The following RARS2 variants were observed in gnomAD, a reference collection of about 807,000 sequenced individuals.
The protein encoded by RARS2 is probable arginine--tRNA ligase, mitochondrial.
RARS2 carries 67 observed loss-of-function variants against 88.5 expected under a neutral mutation model. The ratio of observed to expected loss-of-function variants is 0.76; its 90% confidence interval spans 0.62 to 0.93. The LOEUF is 0.93. Among genes scored for constraint, RARS2 ranks in the 40% least tolerant of loss-of-function variants. RARS2 has a pLI of 0.00. For missense variants in RARS2, 664 were observed against 684.2 expected, an observed-to-expected ratio of 0.97 and a Z score of 0.33; for synonymous variants, 239 against 230.3, an observed-to-expected ratio of 1.04 and a Z score of -0.34.
chr6:87,524,653 C>G lies in RARS2; in HGVS notation c.879-1G>C, dbSNP rs1428801547. 3 of 1,604,842 alleles carry G rather than the reference C, an allele frequency of 1.9e-6. No individual in the cohort carries two copies. The highest frequency in any genetic ancestry group is 2.7e-5 in the African/African-American group (2 of 74,680). ...GAGATCTACTACAGCCGTTCCTTTT[C>G]TAGAAATTCGAAAAGGTAACTCTGA... On this transcript the variant is annotated splice_acceptor_variant, in intron 10 of 19. Transcript: ENST00000369536. LOFTEE classifies it high-confidence loss of function.
chr6:87,564,120 G>A lies in RARS2; in HGVS notation c.213+10C>T, dbSNP rs1277505159. 5 of 1,574,362 alleles carry A rather than the reference G, an allele frequency of 3.2e-6. No homozygotes were observed. The highest frequency in any genetic ancestry group is 4.4e-6 in the Non-Finnish European group (5 of 1,143,860). On this transcript the variant is annotated intron_variant, in intron 3 of 19. Coordinates refer to ENST00000369536, the MANE Select transcript of RARS2 (RefSeq NM_020320.5). ...TACAATGTCAAAAAGAGATAATAGTGCTAACGTACCTTCTCTGCTAGTCTC... is the reference window on the plus strand; with the variant it reads ...TACAATGTCAAAAAGAGATAATAGTACTAACGTACCTTCTCTGCTAGTCTC...
chr6:87,545,485 G>GGAA, intron 7 of RARS2, 131 bp downstream of exon 7: 1 of 980,040 alleles, frequency 1.0e-6, no homozygotes, highest in Non-Finnish European at 1.4e-6. Flanking sequence ...AGCCATTAGG[G>GGAA]AAAAAAAAAA....
Position 87,519,664 on chromosome 6 carries a change from G to A in RARS2, c.1156C>T (p.Arg386Ter), listed in dbSNP as rs199728745. ...PFGVVQGMKT[R>*]RGDVTFLEDV... The stretch of plus-strand genomic sequence containing the variant: ...TCCAGGAAAGTGACATCTCCTCTTC[G>A]AGTCTTCATTCCCTGTACTACTCCA... Residue 386 changes from arginine to a stop codon, truncating the protein, a stop_gained, in exon 14 of 20, where the codon CGA becomes TGA. Coordinates refer to ENST00000369536, the MANE Select transcript of RARS2 (RefSeq NM_020320.5). LOFTEE classifies it high-confidence loss of function. 7.4e-6 allele frequency: 12 copies of A among 1,613,266 alleles called. No homozygotes were observed. The highest frequency in any genetic ancestry group is 2.2e-5 in the East Asian group (1 of 44,854).
chr6:87,587,272 C>T (rs1447879361), intron 1 of RARS2, among the ~76,000 whole-genome samples: 1 of 152,180 alleles, frequency 6.6e-6, no homozygotes, highest in African/African-American at 2.4e-5. Flanking sequence ...AGTCTCATGT[C>T]AGCACTCAAA....
intron 10 of RARS2, among the ~76,000 whole-genome samples, chr6:87,526,495 A>G (rs7762864): frequency 0.64 from 96,093 of 151,318 alleles, 32,015 homozygotes; most frequent in African/African-American, 0.84. Flanking sequence ...CAGCCTGGAT[A>G]ACAAAGCCAG....
chr6:87,570,154 C>CG (rs913140781), intron 1 of RARS2, among the ~76,000 whole-genome samples: 12 of 152,028 alleles, frequency 7.9e-5, no homozygotes, highest in Non-Finnish European at 1.2e-4. Context: ...ATTAGAATAG[C>CG]GGGGTGGATG....
chr6:87,574,645 C>A (rs7738268), intron 1 of RARS2, among the ~76,000 whole-genome samples: 10,946 of 152,182 alleles, frequency 0.072, 547 homozygotes, highest in African/African-American at 0.15. Context: ...TACAACAGAT[C>A]AAAGAACTCT....
At chr6:87,536,094 T>C (rs576612708) in intron 8 of RARS2, among the ~76,000 whole-genome samples, 243 of 152,214 alleles carry the variant, frequency 1.6e-3, no homozygotes, top group Non-Finnish European at 2.8e-3. Flanking sequence ...AGAATGGCTA[T>C]GGTTACAAAA....
chr6:87,555,060 C>T (rs576190732), intron 5 of RARS2, among the ~76,000 whole-genome samples: 18 of 151,022 alleles, frequency 1.2e-4, no homozygotes, highest in African/African-American at 2.9e-4. Flanking sequence ...GCTGAGATCT[C>T]GCCACTCCAG....
At chr6:87,572,376 C>A (rs1269630073) in intron 1 of RARS2, among the ~76,000 whole-genome samples, 1 of 152,034 alleles carries the variant, frequency 6.6e-6, no homozygotes, top group African/African-American at 2.4e-5. Context: ...TTATGTCTAT[C>A]TTAAATATAA....
At chr6:87,546,463 T>C (rs945475574) in intron 6 of RARS2, among the ~76,000 whole-genome samples, 2 of 152,308 alleles carry the variant, frequency 1.3e-5, no homozygotes, top group African/African-American at 2.4e-5. Context: ...TATTCCATGA[T>C]GGCCACCAAA....
intron 4 of RARS2, among the ~76,000 whole-genome samples, chr6:87,560,731 T>A (rs1403522948): frequency 6.6e-6 from 1 of 152,082 alleles, no homozygotes; most frequent in South Asian, 2.1e-4. Context: ...AAACTAAAAA[T>A]ACAAAATTAG....
At chr6:87,549,154 A>T (rs1290666461) in intron 5 of RARS2, among the ~76,000 whole-genome samples, 2 of 152,090 alleles carry the variant, frequency 1.3e-5, no homozygotes, top group African/African-American at 2.4e-5. Context: ...CAGGAGTTCT[A>T]GACCATCCTG....
chr6:87,550,129 CATT>C (rs1783883968), intron 5 of RARS2, among the ~76,000 whole-genome samples: 1 of 152,034 alleles, frequency 6.6e-6, no homozygotes, highest in Non-Finnish European at 1.5e-5. Flanking sequence ...TTTATTTAAT[CATT>C]GTTTAGAAAG....
intron 1 of RARS2, among the ~76,000 whole-genome samples, chr6:87,572,234 T>A (rs1316056807): frequency 1.3e-5 from 2 of 152,170 alleles, no homozygotes; most frequent in Non-Finnish European, 2.9e-5. Flanking sequence ...TGTTAAATAA[T>A]AAACTAGGGC....
chr6:87,564,432 G>A, intron 2 of RARS2, 200 bp from the exon 3 acceptor site: 1 of 553,368 alleles, frequency 1.8e-6, no homozygotes, highest in Non-Finnish European at 3.2e-6. Flanking sequence ...GGCTAAGGCA[G>A]GCGGATCACC....
intron 8 of RARS2, among the ~76,000 whole-genome samples, chr6:87,540,370 A>C (rs978277766): frequency 1.3e-5 from 2 of 150,554 alleles, no homozygotes; most frequent in African/African-American, 4.9e-5. Flanking sequence ...GAACTGCTTC[A>C]ACCCAGGAGG....
chr6:87,514,909 T>G (rs1771042568), intron 19 of RARS2, 48 bp downstream of exon 19: 1 of 1,445,998 alleles, frequency 6.9e-7, no homozygotes, highest in South Asian at 1.1e-5. Context: ...TTAGTAATAT[T>G]AGTCTCAGGA....
chr6:87,515,081 A>C (rs1031929465), intron 18 of RARS2, 61 bp from the exon 19 acceptor site: 4 of 1,251,088 alleles, frequency 3.2e-6, no homozygotes, highest in Non-Finnish European at 4.7e-6. Flanking sequence ...GTAAGATATG[A>C]GCTTGATATC....
Sources: allele counts gnomAD v4.1 joint callset (sites outside exome capture counted in the v4.1 genomes callset), GRCh38; gene constraint gnomAD v4.1.1; transcripts MANE v1.5; gene names NCBI Gene and HGNC (gene_info 2026-07-23, HGNC 2026-07-21).